PLEKHG6: variants seen among roughly 807,000 people sequenced by gnomAD.
PLEKHG6 encodes pleckstrin homology domain-containing family G member 6.
Under a neutral mutation model 97.5 loss-of-function variants are expected in PLEKHG6, and 91 were observed. That is an observed-to-expected ratio of 0.93 (90% CI 0.79 to 1.11). PLEKHG6 has a LOEUF of 1.11. PLEKHG6 is among the 50% of genes most tolerant of loss of function. PLEKHG6 has a pLI of 0.00. For missense variants in PLEKHG6, 1,044 were observed against 1,031.0 expected (o/e 1.01, Z -0.17); for synonymous variants, 466 against 425.5 (o/e 1.10, Z -1.17).
chr12:6,318,902 T>C (rs1332867294), intron 12 of PLEKHG6, 25 bp downstream of exon 12: 5 of 1,613,888 alleles, frequency 3.1e-6, no homozygotes, highest in Middle Eastern at 1.6e-4. Flanking sequence ...CAGGGAGTCT[T>C]TTCTTCTCCC....
rs371112449 is a variant in PLEKHG6 at position 6,316,403 on chromosome 12, C to T, written c.755C>T (p.Thr252Met). 246 of 1,569,860 alleles carry T rather than the reference C, an allele frequency of 1.6e-4. 1 individual carries two copies. Among genetic ancestry groups the T allele is most frequent in the Admixed American group, 6.7e-4 (36 of 53,580 alleles). The change falls in exon 7 of 16, where the codon ACG becomes ATG. Residue 252 changes from threonine to methionine, a missense_variant and splice_region_variant. By Grantham distance (81) the Thr-to-Met change is moderately conservative. Coordinates refer to ENST00000684764, the MANE Select transcript of PLEKHG6 (RefSeq NM_001384598.1). The surrounding 1 kb of genome is among the most constrained non-coding windows in gnomAD (Gnocchi z 4.1). ...DPIGLQSGFLTFGQRFHPYVQ... is the reference protein window; with the variant it reads ...DPIGLQSGFLMFGQRFHPYVQ... ...ATTGGTCTGCAAAGTGGCTTCCTGA[C>T]GGTGAGGCCTGTGAAGGGCTGTGTC...
chr12:6,317,180 C>T, intron 7 of PLEKHG6, 123 bp from the exon 8 acceptor site: 1 of 650,196 alleles, frequency 1.5e-6, no homozygotes, highest in Non-Finnish European at 2.8e-6. Context: ...GAGGGACTGT[C>T]AGGAGCTGGG....
At chr12:6,322,116 C>T (rs955466150) in intron 13 of PLEKHG6, among the ~76,000 whole-genome samples, 3 of 152,170 alleles carry the variant, frequency 2.0e-5, no homozygotes, top group African/African-American at 4.8e-5. Context: ...AGATACCCAG[C>T]GGCAAAGAGC....
intron 1 of PLEKHG6, chr12:6,311,126 C>T (rs1947247244): frequency 1.3e-5 from 2 of 152,288 alleles, no homozygotes; most frequent in Non-Finnish European, 2.9e-5. Context: ...ACCTCAGGCC[C>T]ACCCGGTCGG....
chr12:6,319,367 G>A (rs61918246), intron 13 of PLEKHG6: 1 of 668,510 alleles, frequency 1.5e-6, no homozygotes, highest in South Asian at 2.0e-5. Context: ...AGAATCACTT[G>A]AGCCCGGGAA....
rs779605622 is a variant in PLEKHG6, at chr12:6,313,784, G to C, written c.294G>C (p.Lys98Asn). The change falls in exon 3 of 16, where the codon AAG becomes AAC. Residue 98 changes from lysine to asparagine, a missense_variant and splice_region_variant. Transcript: ENST00000684764. ...GAGLLHSPKL[K>N]ELTKAHELEV... ...GCCTGCTTCACTCCCCCAAACTCAA[G>C]GTAAGGGGGTCCCTCTCCTCCCATC... The C allele has an allele frequency of 6.4e-7, 1 of 1,567,528 alleles. No homozygotes were observed. The highest frequency in any genetic ancestry group is 8.6e-7 in the Non-Finnish European group (1 of 1,157,630).
chr12:6,313,661 C>A lies in PLEKHG6; in HGVS notation c.171C>A (p.Val57=). 6.2e-7 allele frequency: 1 copy of A among 1,614,086 alleles called. No individual in the cohort carries two copies. The change falls in exon 3 of 16, where the codon GTC becomes GTA. Residue 57 remains valine (V), a synonymous_variant. Coordinates refer to ENST00000684764, the MANE Select transcript of PLEKHG6 (RefSeq NM_001384598.1). ...DPSRRRLQQY[V]PFARGSGQAR... ...GTCGCCGACGCCTCCAGCAGTATGT[C>A]CCCTTTGCCAGGGGTTCTGGCCAGG...
At chr12:6,324,785 C>T (rs995206673) in intron 13 of PLEKHG6, among the ~76,000 whole-genome samples, 51 of 152,312 alleles carry the variant, frequency 3.3e-4, no homozygotes, top group African/African-American at 1.2e-3. Flanking sequence ...GACCCAGCTG[C>T]TCCCCGGGTT....
chr12:6,312,624 C>T, intron 2 of PLEKHG6: 1 of 1,282,608 alleles, frequency 7.8e-7, no homozygotes, highest in Non-Finnish European at 9.8e-7. Flanking sequence ...TTAGACAGGT[C>T]TCAGACAAAG....
chr12:6,311,733 AG>A (rs1426471614), intron 1 of PLEKHG6, among the ~76,000 whole-genome samples: 19 of 71,468 alleles, frequency 2.7e-4, no homozygotes, highest in Non-Finnish European at 4.2e-4. Flanking sequence ...CCCCACTCCC[AG>A]CCCACCCCAC....
At chr12:6,312,897 C>T (rs1947323459) in intron 2 of PLEKHG6, 2 of 1,370,740 alleles carry the variant, frequency 1.5e-6, no homozygotes, top group Non-Finnish European at 1.9e-6. Flanking sequence ...TGTCCCTCAG[C>T]CTGCAGGTTT....
rs1947947993 is a variant in PLEKHG6, at chr12:6,328,317, T to A, written c.*172T>A. The A allele has an allele frequency of 4.8e-6, 3 of 623,508 alleles. No individual in the cohort carries two copies. The Admixed American group carries it at 8.3e-5, about 17-fold the overall frequency. The allele number at this position is 623,508 out of a possible 1,614,324, so 38.6% of individuals were successfully genotyped here. On this transcript the variant is annotated 3_prime_UTR_variant, in exon 16 of 16. Transcript: ENST00000684764. ...TTGGGGATCAAGAACTGTAAATTTA[T>A]GTATCATAGGTGCACCTGAGCCCCA...
rs566808013 is a variant in PLEKHG6, at chr12:6,313,563, T to C, written c.139-66T>C. On this transcript the variant is annotated intron_variant, in intron 2 of 15. Transcript: ENST00000684764. ...ACATCTAGAGCCAAGCCTGCCCCCC[T>C]ACTACCTCTCTGGGGTTTCTGGGGA... is the stretch of plus-strand genomic sequence containing the variant. 9 of 1,577,338 alleles carry C rather than the reference T, an allele frequency of 5.7e-6. No individual in the cohort carries two copies. In the African/African-American group the frequency reaches 1.2e-4, roughly 21 times the overall value.
intron 2 of PLEKHG6, chr12:6,312,951 C>T (rs1947325017): frequency 3.5e-6 from 5 of 1,420,824 alleles, no homozygotes; most frequent in Middle Eastern, 1.9e-4. Context: ...TGGGACATCC[C>T]CTGCCTCAAT....
chr12:6,327,479 T>TGGGCGCCCC lies in PLEKHG6; in HGVS notation c.1896_1897insGGGCGCCCC (p.Arg632_Pro633insGlyArgPro). ...TGGAACTCCGGGACATCCCTCTGCG[T>TGGGCGCCCC]CCCCACCCTCCCGACCCCCAAGCTC... On this transcript the variant is annotated inframe_insertion, in exon 15 of 16. Coordinates refer to ENST00000684764, the MANE Select transcript of PLEKHG6 (RefSeq NM_001384598.1). The TGGGCGCCCC allele has an allele frequency of 6.2e-7, 1 of 1,603,268 alleles. No individual in the cohort carries two copies. Among genetic ancestry groups the TGGGCGCCCC allele is most frequent in the Non-Finnish European group, 8.5e-7 (1 of 1,171,716 alleles).
chr12:6,328,288 C>G lies in PLEKHG6; in HGVS notation c.*143C>G, dbSNP rs962594551. The stretch of plus-strand genomic sequence containing the variant: ...TGGCCCAGGCACCCTGCCTCCTGCT[C>G]TGTTTGGGGATCAAGAACTGTAAAT... On this transcript the variant is annotated 3_prime_UTR_variant, in exon 16 of 16. Coordinates refer to ENST00000684764, the MANE Select transcript of PLEKHG6 (RefSeq NM_001384598.1). 2.1e-5 allele frequency: 16 copies of G among 747,978 alleles called. No individual in the cohort carries two copies. The highest frequency in any genetic ancestry group is 3.5e-5 in the Non-Finnish European group (15 of 433,980). 46.3% of individuals were successfully genotyped at this position (747,978 alleles called of 1,614,324 possible).
intron 13 of PLEKHG6, 38 bp downstream of exon 13, chr12:6,319,146 G>A (rs1198369805): frequency 7.1e-7 from 1 of 1,404,612 alleles, no homozygotes; most frequent in Admixed American, 1.8e-5. Context: ...ATGGGCAGGG[G>A]TCCCCGGAGC....
rs956854642 is a variant in PLEKHG6, at chr12:6,316,881, G to A, written c.757-422G>A. 2.6e-5 allele frequency among the ~76,000 whole-genome samples: 4 copies of A among 152,168 alleles called. No individual in the cohort carries two copies. Among genetic ancestry groups the A allele is most frequent in the African/African-American group, 7.2e-5 (3 of 41,446 alleles). ...GTTGCAGTGGGGTAGAGAGGTAGGCGTACTGCCCCTGGGAGCCTTAGGTAC... is the reference window on the plus strand; with the variant it reads ...GTTGCAGTGGGGTAGAGAGGTAGGCATACTGCCCCTGGGAGCCTTAGGTAC... On this transcript the variant is annotated intron_variant, in intron 7 of 15. Coordinates refer to ENST00000684764, the MANE Select transcript of PLEKHG6 (RefSeq NM_001384598.1). This position sits in a 1 kb window ranked among gnomAD's most constrained non-coding sequence, Gnocchi z 4.1.
chr12:6,323,654 G>A (rs2136778680), intron 13 of PLEKHG6, among the ~76,000 whole-genome samples: 1 of 152,364 alleles, frequency 6.6e-6, no homozygotes, highest in East Asian at 1.9e-4. Flanking sequence ...GGAGACTGAA[G>A]GAGGCAGCCG....
Sources: allele counts gnomAD v4.1 joint callset (sites outside exome capture counted in the v4.1 genomes callset), GRCh38; gene constraint gnomAD v4.1.1; non-coding constraint Gnocchi (gnomAD v3.1); transcripts MANE v1.5; gene names NCBI Gene and HGNC (gene_info 2026-07-23, HGNC 2026-07-21).